KCTD8: variants seen among roughly 807,000 people sequenced by gnomAD.
KCTD8 encodes BTB/POZ domain-containing protein KCTD8.
Under a neutral mutation model 31.5 loss-of-function variants are expected in KCTD8, and 27 were observed. The observed-to-expected ratio is 0.86, with a 90% CI of 0.63 to 1.18. The LOEUF (loss-of-function observed/expected upper bound fraction) is 1.18. KCTD8 is among the 50% of genes most tolerant of loss of function. KCTD8 has a pLI of 0.00. For synonymous variants in KCTD8, 290 were observed against 280.0 expected, an observed-to-expected ratio of 1.04 and a Z score of -0.36; for missense variants, 658 against 647.7, an observed-to-expected ratio of 1.02 and a Z score of -0.17.
chr4:44,202,168 G>A (rs1714169793), intron 1 of KCTD8, among the ~76,000 whole-genome samples: 1 of 152,128 alleles, frequency 6.6e-6, no homozygotes, highest in South Asian at 2.1e-4. Context: ...TGGAGAAAAA[G>A]GGAATACGTG....
At chr4:44,211,639 T>G (rs922095877) in intron 1 of KCTD8, among the ~76,000 whole-genome samples, 1 of 152,136 alleles carries the variant, frequency 6.6e-6, no homozygotes, top group Non-Finnish European at 1.5e-5. Context: ...TTCTAACTAA[T>G]GCTTCCTGGT....
intron 1 of KCTD8, among the ~76,000 whole-genome samples, chr4:44,363,803 A>G (rs1719561876): frequency 6.6e-6 from 1 of 152,134 alleles, no homozygotes; most frequent in Non-Finnish European, 1.5e-5. Flanking sequence ...GGTATCAGTA[A>G]CATGGGGGTT....
chr4:44,352,489 AATT>A lies in KCTD8; in HGVS notation c.961+95071_961+95073del, dbSNP rs771177892. On this transcript the variant is annotated intron_variant, in intron 1 of 1. Transcript: ENST00000360029. The stretch of plus-strand genomic sequence containing the variant: ...AGAGAATAGAATAGAAATATTACAA[AATT>A]ATTATTTATATATTAAATATTATTT... Among the ~76,000 whole-genome samples, 12 of 148,344 alleles carry A rather than the reference AATT, an allele frequency of 8.1e-5. No individual in the cohort carries two copies. The East Asian group carries it at 1.2e-3, about 14-fold the overall frequency.
intron 1 of KCTD8, among the ~76,000 whole-genome samples, chr4:44,270,185 T>C (rs1304855708): frequency 2.6e-5 from 4 of 151,910 alleles, no homozygotes; most frequent in South Asian, 2.1e-4. Context: ...ATGTGGCACA[T>C]ATACACCATG....
At chr4:44,238,786 T>C (rs1715364191) in intron 1 of KCTD8, among the ~76,000 whole-genome samples, 1 of 152,174 alleles carries the variant, frequency 6.6e-6, no homozygotes, top group Non-Finnish European at 1.5e-5. Flanking sequence ...ACTTATTTCT[T>C]TACTAAGGGA....
Position 44,216,013 on chromosome 4 carries a change from TATATA to T in KCTD8, c.962-40768_962-40764del, listed in dbSNP as rs1383417015. Among the ~76,000 whole-genome samples the T allele has an allele frequency of 3.3e-5, 5 of 152,246 alleles. No individual in the cohort carries two copies. In the South Asian group the frequency reaches 6.2e-4, roughly 19 times the overall value. On this transcript the variant is annotated intron_variant, in intron 1 of 1. Coordinates refer to ENST00000360029, the MANE Select transcript of KCTD8 (RefSeq NM_198353.3). ...AAAGGCACTTTAAAATTTTATTAAA[TATATA>T]ATATATGGAGAGACTGAATGAAAGA...
At chr4:44,426,534 G>T (rs1721352199) in intron 1 of KCTD8, among the ~76,000 whole-genome samples, 1 of 151,640 alleles carries the variant, frequency 6.6e-6, no homozygotes, top group Non-Finnish European at 1.5e-5. Flanking sequence ...AATAACTGTT[G>T]ACACATAAAG....
At chr4:44,279,493 C>T (rs1014962168) in intron 1 of KCTD8, among the ~76,000 whole-genome samples, 1 of 152,056 alleles carries the variant, frequency 6.6e-6, no homozygotes, top group South Asian at 2.1e-4. Context: ...GAAAGATGTG[C>T]TCTTAAGTGC....
At chr4:44,306,685 C>T (rs1421037713) in intron 1 of KCTD8, among the ~76,000 whole-genome samples, 1 of 151,770 alleles carries the variant, frequency 6.6e-6, no homozygotes, top group Admixed American at 6.6e-5. Context: ...TGCATGATCT[C>T]AGTCCTGAAC....
chr4:44,320,522 T>A (rs751843442), intron 1 of KCTD8, among the ~76,000 whole-genome samples: 1 of 152,184 alleles, frequency 6.6e-6, no homozygotes, highest in Non-Finnish European at 1.5e-5. Flanking sequence ...TTTTTCCCTA[T>A]AAATATTGTG....
chr4:44,337,617 T>C (rs1242649113), intron 1 of KCTD8, among the ~76,000 whole-genome samples: 1 of 150,380 alleles, frequency 6.6e-6, no homozygotes, highest in Non-Finnish European at 1.5e-5. Context: ...GAGGTTGCAG[T>C]GAGCCGAGAT....
chr4:44,175,008 G>T lies in KCTD8; in HGVS notation c.1204C>A (p.Pro402Thr), dbSNP rs1378248703. Residue 402 changes from proline (P) to threonine (T), a missense_variant, in exon 2 of 2, where the codon CCC (proline) becomes ACC (threonine). Pro to Thr is a conservative substitution (Grantham distance 38, BLOSUM62 -1). Transcript: ENST00000360029. ...PSKKAPVQWI[P>T]PPDKRRNSEL... ...CTGTTTCTGCGTTTGTCTGGTGGGG[G>T]TATCCATTGTACAGGTGCTTTTTTA... The T allele has an allele frequency of 1.2e-6, 2 of 1,614,064 alleles. No individual in the cohort carries two copies. The highest frequency in any genetic ancestry group is 1.7e-6 in the Non-Finnish European group (2 of 1,179,966).
chr4:44,418,875 T>C (rs1053621742), intron 1 of KCTD8, among the ~76,000 whole-genome samples: 1 of 152,182 alleles, frequency 6.6e-6, no homozygotes, highest in Non-Finnish European at 1.5e-5. Context: ...TAGTTATCAT[T>C]ACTATAATTT....
chr4:44,280,117 A>G (rs1716863781), intron 1 of KCTD8, among the ~76,000 whole-genome samples: 1 of 152,094 alleles, frequency 6.6e-6, no homozygotes, highest in African/African-American at 2.4e-5. Flanking sequence ...AATTTATAGT[A>G]GAGAGAAAAT....
intron 1 of KCTD8, among the ~76,000 whole-genome samples, chr4:44,283,815 C>T (rs950525980): frequency 6.6e-6 from 1 of 152,128 alleles, no homozygotes; most frequent in Non-Finnish European, 1.5e-5. Flanking sequence ...AAATCACAAG[C>T]ATTCCTGTAC....
intron 1 of KCTD8, among the ~76,000 whole-genome samples, chr4:44,332,903 A>G (rs1468879941): frequency 6.6e-6 from 1 of 152,028 alleles, no homozygotes; most frequent in Non-Finnish European, 1.5e-5. Context: ...GACAACCAAA[A>G]ATGTTTACAG....
intron 1 of KCTD8, among the ~76,000 whole-genome samples, chr4:44,405,817 C>CA (rs903559298): frequency 0.39 from 12,611 of 32,098 alleles, 2,634 homozygotes; most frequent in Non-Finnish European, 0.49. Flanking sequence ...TCCTGTTTCT[C>CA]AAAAAAAAAA....
intron 1 of KCTD8, among the ~76,000 whole-genome samples, chr4:44,247,273 C>T (rs191090102): frequency 6.6e-6 from 1 of 152,072 alleles, no homozygotes; most frequent in Admixed American, 6.6e-5. Context: ...GAAAAAAAAG[C>T]ATCTTAGAAC....
At chr4:44,261,775 A>C (rs1309394659) in intron 1 of KCTD8, among the ~76,000 whole-genome samples, 3 of 151,892 alleles carry the variant, frequency 2.0e-5, no homozygotes, top group Non-Finnish European at 2.9e-5. Context: ...TTTCTTTTTT[A>C]TGGCTGAATA....
Sources: gnomAD v4.1 joint callset for allele counts (sites outside exome capture counted in the v4.1 genomes callset) on GRCh38, gnomAD v4.1.1 for gene constraint, MANE v1.5 for transcripts, NCBI Gene and HGNC (gene_info 2026-07-23, HGNC 2026-07-21) for gene names.